The following INSL6 variants were observed in gnomAD, a reference collection of about 807,000 sequenced individuals.
INSL6 encodes insulin-like peptide INSL6.
A neutral mutation model predicts 9.4 loss-of-function variants in INSL6; 16 were observed. That is an observed-to-expected ratio of 1.70 (90% CI 1.15 to 2.59). INSL6 has a LOEUF of 2.59. INSL6 is among the 30% of genes most tolerant of loss of function. The pLI is 0.00. For missense variants in INSL6, 391 were observed against 257.3 expected (o/e 1.52, Z -3.56); for synonymous variants, 154 against 96.9 (o/e 1.59, Z -3.46).
the INSL6 span, among the ~76,000 whole-genome samples, chr9:5,023,947 G>A: frequency 6.6e-6 from 1 of 152,058 alleles, no homozygotes; most frequent in South Asian, 2.1e-4. Context: ...TAGCTAGTAA[G>A]ATTTTAGCTT....
chr9:5,018,438 G>A, the INSL6 span, among the ~76,000 whole-genome samples: 2 of 152,090 alleles, frequency 1.3e-5, no homozygotes, highest in Admixed American at 6.5e-5. Flanking sequence ...ATGGTCTCAG[G>A]TGATCCTTCT....
the INSL6 span, among the ~76,000 whole-genome samples, chr9:5,073,464 C>G: frequency 2.0e-5 from 3 of 152,152 alleles, no homozygotes; most frequent in Non-Finnish European, 4.4e-5. Context: ...GATTCCTGTA[C>G]CACTCTTGCT....
chr9:5,066,827 T>C, the INSL6 span: 1 of 876,762 alleles, frequency 1.1e-6, no homozygotes. Context: ...ACACTTTATT[T>C]AGTTCATTTA....
chr9:5,065,000 G>C, the INSL6 span: 2 of 1,607,174 alleles, frequency 1.2e-6, no homozygotes, highest in Non-Finnish European at 8.5e-7. Context: ...ACCTCCAGCC[G>C]TGCTTGAAAA....
At chr9:5,062,150 T>C in the INSL6 span, among the ~76,000 whole-genome samples, 3 of 152,028 alleles carry the variant, frequency 2.0e-5, no homozygotes, top group Non-Finnish European at 4.4e-5. Flanking sequence ...CAGCCAAACA[T>C]GGATGGAAAA....
chr9:5,115,073 T>G, the INSL6 span, among the ~76,000 whole-genome samples: 7 of 151,934 alleles, frequency 4.6e-5, no homozygotes, highest in African/African-American at 1.5e-4. Flanking sequence ...ACAGATGGGA[T>G]CTAATTAAAC....
At chr9:5,044,688 C>G in the INSL6 span, among the ~76,000 whole-genome samples, 2 of 152,080 alleles carry the variant, frequency 1.3e-5, no homozygotes, top group Admixed American at 6.6e-5. Context: ...AGTTTTTAAT[C>G]CCATGGTTTA....
chr9:5,018,985 C>G, the INSL6 span, among the ~76,000 whole-genome samples: 3 of 152,124 alleles, frequency 2.0e-5, no homozygotes, highest in Admixed American at 2.0e-4. Flanking sequence ...CAACAGTTCT[C>G]TCTTTGTCTT....
At chr9:5,170,345 C>T (rs1004142072) in intron 1 of INSL6, among the ~76,000 whole-genome samples, 2 of 152,240 alleles carry the variant, frequency 1.3e-5, no homozygotes, top group South Asian at 4.2e-4. Context: ...TGGGACATAG[C>T]TAAAGCAGTC....
At position 5,185,618 on chromosome 9, in the gene INSL6, C is replaced by G. The variant is rs748151530; in HGVS notation, c.-16G>C. ...GCCGCGGCATCCCTGTGACCCCAGG[C>G]TAGTCCTCCGCGTTGTGCAATGGCG... is the stretch of plus-strand genomic sequence containing the variant. On this transcript the variant is annotated 5_prime_UTR_variant, in exon 1 of 2. Coordinates refer to ENST00000381641, the MANE Select transcript of INSL6 (RefSeq NM_007179.3). 21 of 1,605,622 alleles carry G rather than the reference C, an allele frequency of 1.3e-5. No individual in the cohort carries two copies. Among genetic ancestry groups the G allele is most frequent in the South Asian group, 2.2e-5 (2 of 90,098 alleles).
the INSL6 span, chr9:5,077,591 C>A: frequency 2.1e-6 from 3 of 1,453,662 alleles, no homozygotes; most frequent in Non-Finnish European, 1.8e-6. Flanking sequence ...GTAAGTAGTA[C>A]AACCTTTTTA....
At chr9:5,086,005 GT>G in the INSL6 span, 4 of 839,366 alleles carry the variant, frequency 4.8e-6, no homozygotes, top group East Asian at 9.8e-5. Context: ...TGATGAAACT[GT>G]GATATACTAT....
the INSL6 span, chr9:5,077,458 C>T: frequency 3.6e-6 from 4 of 1,109,410 alleles, no homozygotes; most frequent in African/African-American, 5.0e-5. Flanking sequence ...TGCAGATATT[C>T]TGGTTCAGGA....
chr9:5,062,530 AAG>A, the INSL6 span, among the ~76,000 whole-genome samples: 3 of 147,322 alleles, frequency 2.0e-5, no homozygotes, highest in South Asian at 4.3e-4. Flanking sequence ...AAAAAAAAAA[AAG>A]GTCATATCTG....
rs148371933 is a variant in INSL6, at chr9:5,185,512, T to C, written c.91A>G (p.Lys31Glu). Residue 31 changes from lysine (K) to glutamate (E), a missense_variant, in exon 1 of 2, where the codon AAG becomes GAG. By Grantham distance (56) the Lys-to-Glu change is moderately conservative. Transcript: ENST00000381641. ...RELSDISSAR[K>E]LCGRYLVKEI... ...TTCACCAAGTACCTGCCGCACAGCTTCCTGGCACTGCTGATGTCGCTCAGT... is the reference window on the plus strand; with the variant it reads ...TTCACCAAGTACCTGCCGCACAGCTCCCTGGCACTGCTGATGTCGCTCAGT... 263 of 1,614,046 alleles carry C rather than the reference T, an allele frequency of 1.6e-4. No individual in the cohort carries two copies. The highest frequency in any genetic ancestry group is 2.2e-4 in the Non-Finnish European group (258 of 1,180,036).
At chr9:5,054,780 G>A in the INSL6 span, 2 of 1,612,572 alleles carry the variant, frequency 1.2e-6, no homozygotes, top group Non-Finnish European at 1.7e-6. The surrounding 1 kb of genome is among the most constrained non-coding windows in gnomAD (Gnocchi z 4.9). Flanking sequence ...ACCTGGAAGT[G>A]GTCCTTCAGG....
At chr9:5,069,784 A>G in the INSL6 span, 1 of 424,018 alleles carries the variant, frequency 2.4e-6, no homozygotes, top group South Asian at 9.4e-5. Flanking sequence ...CCCCTAAAAT[A>G]ATTTTCTATT....
At chr9:5,074,227 A>C in the INSL6 span, among the ~76,000 whole-genome samples, 1 of 152,152 alleles carries the variant, frequency 6.6e-6, no homozygotes, top group African/African-American at 2.4e-5. Context: ...GGCTAAATTT[A>C]GGTGTTCACA....
the INSL6 span, among the ~76,000 whole-genome samples, chr9:5,115,278 G>A: frequency 2.6e-5 from 4 of 152,116 alleles, no homozygotes; most frequent in Non-Finnish European, 4.4e-5. Flanking sequence ...CTCAAAAGAA[G>A]ACATTTATGT....
Sources: allele counts gnomAD v4.1 joint callset (sites outside exome capture counted in the v4.1 genomes callset), GRCh38; gene constraint gnomAD v4.1.1; non-coding constraint Gnocchi (gnomAD v3.1); transcripts MANE v1.5; gene names NCBI Gene and HGNC (gene_info 2026-07-23, HGNC 2026-07-21).